Variants in FSTL4 observed in about 807,000 individuals in gnomAD.
FSTL4 encodes follistatin-related protein 4.
FSTL4 carries 28 observed loss-of-function variants against 78.2 expected under a neutral mutation model. That is an observed-to-expected ratio of 0.36 (90% CI 0.27 to 0.49). The LOEUF (loss-of-function observed/expected upper bound fraction) is 0.49. Among genes scored for constraint, FSTL4 ranks in the 20% least tolerant of loss-of-function variants. The pLI is 0.98. For synonymous variants in FSTL4, 422 were observed against 440.5 expected (o/e 0.96, Z 0.53); for missense variants, 922 against 1,084.9 (o/e 0.85, Z 2.11).
In FSTL4 at chr5:133,439,442, T is replaced by C. The variant is rs1157916905; in HGVS notation, c.161-38456A>G. Among the ~76,000 whole-genome samples, 4 of 152,294 alleles carry C rather than the reference T, an allele frequency of 2.6e-5. 1 individual carries two copies. The South Asian group carries it at 6.2e-4, about 24-fold the overall frequency. On this transcript the variant is annotated intron_variant, in intron 3 of 15. Coordinates refer to ENST00000265342, the MANE Select transcript of FSTL4 (RefSeq NM_015082.2). ...GTGGGACTGCGATTGATACCACACA[T>C]TAAATTTTTCATTCTGTTGTTGTCA...
At chr5:133,778,380 C>T in the FSTL4 span, among the ~76,000 whole-genome samples, 867 of 152,298 alleles carry the variant, frequency 5.7e-3, 7 homozygotes, top group African/African-American at 0.02. Context: ...AAAGTCAGAG[C>T]CAAGTGTTTT....
chr5:133,649,790 C>T, the FSTL4 span, among the ~76,000 whole-genome samples: 23 of 151,958 alleles, frequency 1.5e-4, no homozygotes, highest in Non-Finnish European at 2.8e-4. Context: ...TAAATATTTC[C>T]TCCCAGTCTG....
At chr5:133,682,809 G>A in the FSTL4 span, among the ~76,000 whole-genome samples, 10 of 152,310 alleles carry the variant, frequency 6.6e-5, no homozygotes, top group African/African-American at 1.9e-4. Context: ...GAGAGGCTGC[G>A]TCATAGCCTC....
At chr5:133,654,914 G>A in the FSTL4 span, among the ~76,000 whole-genome samples, 129 of 152,254 alleles carry the variant, frequency 8.5e-4, 1 homozygote, top group African/African-American at 2.9e-3. Flanking sequence ...ATAAGTTGGT[G>A]ATCACATCTC....
chr5:133,459,314 T>A (rs745625087), intron 3 of FSTL4, among the ~76,000 whole-genome samples: 40 of 151,580 alleles, frequency 2.6e-4, no homozygotes, highest in Non-Finnish European at 5.5e-4. Flanking sequence ...CAGCCCTTCC[T>A]CCAAAGCAGT....
the FSTL4 span, among the ~76,000 whole-genome samples, chr5:133,724,852 T>C: frequency 1.3e-5 from 2 of 152,234 alleles, no homozygotes; most frequent in Admixed American, 1.3e-4. Flanking sequence ...TTTTAGCACT[T>C]ACGTTTAGGT....
chr5:133,812,485 C>T, the FSTL4 span, among the ~76,000 whole-genome samples: 1 of 152,218 alleles, frequency 6.6e-6, no homozygotes, highest in East Asian at 1.9e-4. Flanking sequence ...TTGGTGAAGC[C>T]TTAGGGCCTT....
At chr5:133,324,451 G>GT (rs1282395567) in intron 4 of FSTL4, among the ~76,000 whole-genome samples, 1 of 152,244 alleles carries the variant, frequency 6.6e-6, no homozygotes, top group Non-Finnish European at 1.5e-5. Context: ...ACTGCAAGGT[G>GT]TTTCTTCACC....
chr5:133,709,461 T>C, the FSTL4 span, among the ~76,000 whole-genome samples: 1 of 152,276 alleles, frequency 6.6e-6, no homozygotes, highest in African/African-American at 2.4e-5. Flanking sequence ...TTTTCTTCAG[T>C]CTATTTTTCC....
chr5:133,755,181 A>ACC, the FSTL4 span, among the ~76,000 whole-genome samples: 1 of 152,022 alleles, frequency 6.6e-6, no homozygotes, highest in Non-Finnish European at 1.5e-5. Flanking sequence ...TTTCTTTCTA[A>ACC]GTTTCCATGA....
At chr5:133,690,537 A>G in the FSTL4 span, among the ~76,000 whole-genome samples, 1 of 152,154 alleles carries the variant, frequency 6.6e-6, no homozygotes, top group Non-Finnish European at 1.5e-5. Flanking sequence ...TTAGAGAAGG[A>G]ATAAACCATT....
the FSTL4 span, among the ~76,000 whole-genome samples, chr5:133,838,804 G>A: frequency 3.9e-5 from 6 of 152,164 alleles, no homozygotes; most frequent in East Asian, 7.7e-4. Context: ...TCTGCTGGTC[G>A]TGACAATTAC....
intron 6 of FSTL4, among the ~76,000 whole-genome samples, chr5:133,250,592 G>A (rs575157649): frequency 1.4e-4 from 22 of 152,384 alleles, no homozygotes; most frequent in Middle Eastern, 3.4e-3. Context: ...AAGCAGAGTT[G>A]GGAGCTGAGC....
intron 4 of FSTL4, among the ~76,000 whole-genome samples, chr5:133,335,219 A>G (rs991084962): frequency 6.6e-6 from 1 of 152,120 alleles, no homozygotes; most frequent in Non-Finnish European, 1.5e-5. Flanking sequence ...GGGCCCTGAC[A>G]TAAAACTGGG....
the FSTL4 span, among the ~76,000 whole-genome samples, chr5:133,629,987 C>T: frequency 6.6e-6 from 1 of 152,230 alleles, no homozygotes; most frequent in African/African-American, 2.4e-5. Flanking sequence ...GGTATTGATG[C>T]AACGTATTTC....
In FSTL4 at chr5:133,349,299, G is replaced by C. The variant is rs534149625; in HGVS notation, c.410-32647C>G. 8.1e-3 allele frequency among the ~76,000 whole-genome samples: 916 copies of C among 112,406 alleles called. 7 individuals are homozygous for C. Among genetic ancestry groups the C allele is most frequent in the African/African-American group, 0.024 (552 of 22,902 alleles). The allele number at this position is 112,406 out of a possible 152,430, so 73.7% of individuals were successfully genotyped here. ...CCCTGTTGAAAGCCTCTCTCTCTGT[G>C]TGTGTGTGTGTGTGTGTGTGTGTGT... On this transcript the variant is annotated intron_variant, in intron 4 of 15. Transcript: ENST00000265342.
intron 4 of FSTL4, among the ~76,000 whole-genome samples, chr5:133,387,305 A>G (rs903355138): frequency 2.0e-5 from 3 of 152,206 alleles, no homozygotes; most frequent in Non-Finnish European, 4.4e-5. Context: ...TGGGAAAGTT[A>G]TCTGGCTTCT....
intron 5 of FSTL4, 44 bp downstream of exon 5, chr5:133,316,415 C>G: frequency 1.3e-6 from 2 of 1,514,906 alleles, no homozygotes; most frequent in Non-Finnish European, 9.1e-7. Flanking sequence ...AAATGGAAAA[C>G]TGGATTCCTC....
chr5:133,324,419 TG>T (rs1388713908), intron 4 of FSTL4, among the ~76,000 whole-genome samples: 1 of 152,216 alleles, frequency 6.6e-6, no homozygotes, highest in Non-Finnish European at 1.5e-5. Flanking sequence ...GGCTCTCTCT[TG>T]CTGCCCCGTC....
Sources: gnomAD v4.1 joint callset for allele counts (sites outside exome capture counted in the v4.1 genomes callset) on GRCh38, gnomAD v4.1.1 for gene constraint, MANE v1.5 for transcripts, NCBI Gene and HGNC (gene_info 2026-07-23, HGNC 2026-07-21) for gene names.